Variants in JAKMIP1 observed in about 807,000 individuals in gnomAD.
The protein encoded by JAKMIP1 is janus kinase and microtubule-interacting protein 1.
A neutral mutation model predicts 113.0 loss-of-function variants in JAKMIP1; 33 were observed. The observed-to-expected ratio is 0.29, with a 90% CI of 0.22 to 0.39. The LOEUF is 0.39. JAKMIP1 is among the 10% of genes least tolerant of loss of function. The pLI is 1.00. For missense variants in JAKMIP1, 813 were observed against 1,080.5 expected (o/e 0.75, Z 3.47); for synonymous variants, 480 against 459.9 (o/e 1.04, Z -0.56).
Position 6,093,968 on chromosome 4 carries a change from G to T in JAKMIP1, c.625-8339C>A, listed in dbSNP as rs1224647666. Among the ~76,000 whole-genome samples the T allele has an allele frequency of 6.6e-6, 1 of 151,924 alleles. No individual in the cohort carries two copies. The highest frequency in any genetic ancestry group is 2.4e-5 in the African/African-American group (1 of 41,370). ...TGGCTCGGCTGGGCAGTCCCCAGAT[G>T]TCCTGCCCTTCACCTCCCAAGCAGA... On this transcript the variant is annotated intron_variant, in intron 3 of 20. Transcript: ENST00000409021. This position sits in a 1 kb window ranked among gnomAD's most constrained non-coding sequence, Gnocchi z 4.6.
At position 6,154,142 on chromosome 4, in the gene JAKMIP1, C is replaced by T. The variant is rs1721945087; in HGVS notation, c.-147-41145G>A. On this transcript the variant is annotated intron_variant, in intron 1 of 20. Coordinates refer to ENST00000409021, the MANE Select transcript of JAKMIP1 (RefSeq NM_001099433.2). The surrounding 1 kb of genome is among the most constrained non-coding windows in gnomAD (Gnocchi z 4.2). Reference sequence around the variant, plus strand: ...CTTGTGTCCTGCAGAGCTGATAAACCCTGCACTCAGGGAGACACTGACCCT... The same window carrying T: ...CTTGTGTCCTGCAGAGCTGATAAACTCTGCACTCAGGGAGACACTGACCCT... 6.6e-6 allele frequency among the ~76,000 whole-genome samples: 1 copy of T among 152,212 alleles called. No homozygotes were observed. The highest frequency in any genetic ancestry group is 1.5e-5 in the Non-Finnish European group (1 of 68,044).
chr4:6,114,360 G>A (rs964081002), intron 1 of JAKMIP1, among the ~76,000 whole-genome samples: 4 of 152,328 alleles, frequency 2.6e-5, no homozygotes, highest in African/African-American at 9.6e-5. Flanking sequence ...GTGAGGACCT[G>A]AAGCTGGACA....
intron 16 of JAKMIP1, among the ~76,000 whole-genome samples, chr4:6,047,906 G>A (rs891937614): frequency 6.6e-6 from 1 of 152,160 alleles, no homozygotes; most frequent in Non-Finnish European, 1.5e-5. Context: ...TAACAAACAG[G>A]TCAAAAAGTT....
At chr4:6,100,554 T>C (rs1344735921) in intron 3 of JAKMIP1, among the ~76,000 whole-genome samples, 2 of 152,228 alleles carry the variant, frequency 1.3e-5, no homozygotes, top group African/African-American at 2.4e-5. Flanking sequence ...TACAAATCTT[T>C]ATATAGATAT....
At chr4:6,182,019 GTGAA>G (rs1350689461) in intron 1 of JAKMIP1, among the ~76,000 whole-genome samples, 2 of 152,152 alleles carry the variant, frequency 1.3e-5, no homozygotes, top group African/African-American at 4.8e-5. Context: ...GTGTTATGGA[GTGAA>G]TGTTTATGTC....
intron 3 of JAKMIP1, among the ~76,000 whole-genome samples, chr4:6,102,758 G>A (rs1352189769): frequency 9.4e-6 from 1 of 106,126 alleles, no homozygotes; most frequent in Non-Finnish European, 1.8e-5. Flanking sequence ...TTTTGAGAGG[G>A]AGTCTCACTC....
rs901493365 is a variant in JAKMIP1 at position 6,146,319 on chromosome 4, G to T, written c.-147-33322C>A. ...AAAAAGTTATTTATTTTGAGACAGGGTCTCACTCTGTTGCCCAGGCTAGAG... is the reference window on the plus strand; with the variant it reads ...AAAAAGTTATTTATTTTGAGACAGGTTCTCACTCTGTTGCCCAGGCTAGAG... On this transcript the variant is annotated intron_variant, in intron 1 of 20. Transcript: ENST00000409021. Among the ~76,000 whole-genome samples the T allele has an allele frequency of 7.2e-5, 11 of 152,102 alleles. No individual in the cohort carries two copies. The East Asian group carries it at 1.9e-3, about 27-fold the overall frequency.
chr4:6,038,161 T>A lies in JAKMIP1; in HGVS notation c.2176-2054A>T, dbSNP rs1161915417. On this transcript the variant is annotated intron_variant, in intron 18 of 20. Transcript: ENST00000409021. ...TGAGGCAGAGGCTAACCGGTATCCC[T>A]CCATCACTGAGTCAGAGGTTAACCC... Among the ~76,000 whole-genome samples, 4 of 128,860 alleles carry A rather than the reference T, an allele frequency of 3.1e-5. No individual in the cohort carries two copies. The East Asian group carries it at 9.9e-4, about 32-fold the overall frequency. The allele number at this position is 128,860 out of a possible 152,430, so 84.5% of individuals were successfully genotyped here.
Position 6,187,800 on chromosome 4 carries a change from C to G in JAKMIP1, c.-148+12453G>C, listed in dbSNP as rs1282628662. 6.6e-6 allele frequency among the ~76,000 whole-genome samples: 1 copy of G among 152,272 alleles called. No homozygotes were observed. The highest frequency in any genetic ancestry group is 2.4e-5 in the African/African-American group (1 of 41,476). ...GGATCATATATTTTATCCCTGACAA[C>G]ATCTACCTTTTGACTGGCTTATTTA... On this transcript the variant is annotated intron_variant, in intron 1 of 20. Transcript: ENST00000409021. The surrounding 1 kb of genome is among the most constrained non-coding windows in gnomAD (Gnocchi z 4.2).
intron 5 of JAKMIP1, among the ~76,000 whole-genome samples, chr4:6,084,278 A>G (rs996252459): frequency 6.6e-6 from 1 of 151,598 alleles, no homozygotes; most frequent in Non-Finnish European, 1.5e-5. Context: ...GATGGTGCCA[A>G]TTGCACTCCA....
In JAKMIP1 at chr4:6,167,065, G is replaced by A. The variant is rs1182113797; in HGVS notation, c.-148+33188C>T. Among the ~76,000 whole-genome samples, 2 of 152,114 alleles carry A rather than the reference G, an allele frequency of 1.3e-5. No homozygotes were observed. Among genetic ancestry groups the A allele is most frequent in the Non-Finnish European group, 2.9e-5 (2 of 67,996 alleles). ...TACCCCACATCAAGTACTTGGAACA[G>A]TGCCTGGTGCGTAGGGGGTACTCAG... On this transcript the variant is annotated intron_variant, in intron 1 of 20. Transcript: ENST00000409021. This position sits in a 1 kb window ranked among gnomAD's most constrained non-coding sequence, Gnocchi z 5.3.
Position 6,140,857 on chromosome 4 carries a change from C to G in JAKMIP1, c.-147-27860G>C, listed in dbSNP as rs1018824470. 5.3e-5 allele frequency among the ~76,000 whole-genome samples: 8 copies of G among 152,192 alleles called. No homozygotes were observed. The highest frequency in any genetic ancestry group is 1.0e-4 in the Non-Finnish European group (7 of 68,046). On this transcript the variant is annotated intron_variant, in intron 1 of 20. Coordinates refer to ENST00000409021, the MANE Select transcript of JAKMIP1 (RefSeq NM_001099433.2). The surrounding 1 kb of genome is among the most constrained non-coding windows in gnomAD (Gnocchi z 9.4). ...GGTCAGCCACAGGCACTGGTTGGAG[C>G]TCATCTGTCCTCAGCACAGTGCCTG...
chr4:6,130,423 C>T (rs1041421965), intron 1 of JAKMIP1, among the ~76,000 whole-genome samples: 1 of 152,218 alleles, frequency 6.6e-6, no homozygotes, highest in Admixed American at 6.5e-5. Context: ...AGAATCACAA[C>T]ATACCACAGC....
chr4:6,175,871 A>G (rs922244873), intron 1 of JAKMIP1, among the ~76,000 whole-genome samples: 5 of 152,244 alleles, frequency 3.3e-5, no homozygotes, highest in Non-Finnish European at 7.3e-5. Context: ...ATCTTGACCC[A>G]TCAAGGCCCT....
At position 6,188,347 on chromosome 4, in the gene JAKMIP1, C is replaced by T. The variant is rs965526454; in HGVS notation, c.-148+11906G>A. Among the ~76,000 whole-genome samples the T allele has an allele frequency of 1.3e-5, 2 of 152,206 alleles. No individual in the cohort carries two copies. The highest frequency in any genetic ancestry group is 6.5e-5 in the Admixed American group (1 of 15,280). The stretch of plus-strand genomic sequence containing the variant: ...GATGGTCAGGATTCAGAACAGAATC[C>T]GCAATGATGGCGTTTTCAAGTGCTG... On this transcript the variant is annotated intron_variant, in intron 1 of 20. Coordinates refer to ENST00000409021, the MANE Select transcript of JAKMIP1 (RefSeq NM_001099433.2). The surrounding 1 kb of genome is among the most constrained non-coding windows in gnomAD (Gnocchi z 5.8).
In JAKMIP1 at chr4:6,185,966, G is replaced by T. The variant is rs1726612318; in HGVS notation, c.-148+14287C>A. 6.6e-6 allele frequency among the ~76,000 whole-genome samples: 1 copy of T among 152,026 alleles called. No homozygotes were observed. The highest frequency in any genetic ancestry group is 2.4e-5 in the African/African-American group (1 of 41,386). On this transcript the variant is annotated intron_variant, in intron 1 of 20. Transcript: ENST00000409021. This position sits in a 1 kb window ranked among gnomAD's most constrained non-coding sequence, Gnocchi z 5.3. ...ACTGGACTTTTTTTTAATTACCTCA[G>T]TGTGGAGGTCATTTCCAATTGTGCT...
chr4:6,121,147 C>A (rs1716656618), intron 1 of JAKMIP1, among the ~76,000 whole-genome samples: 1 of 144,048 alleles, frequency 6.9e-6, no homozygotes, highest in Non-Finnish European at 1.5e-5. Context: ...TTGCAGTGAG[C>A]CAAGATTGCA....
chr4:6,192,449 G>A lies in JAKMIP1; in HGVS notation c.-148+7804C>T, dbSNP rs764316060. ...CACAAGTAACACCAGCAGCAGCACCGGCTGACAAACACCCACTGCACGCAG... is the reference window on the plus strand; with the variant it reads ...CACAAGTAACACCAGCAGCAGCACCAGCTGACAAACACCCACTGCACGCAG... On this transcript the variant is annotated intron_variant, in intron 1 of 20. Transcript: ENST00000409021. The surrounding 1 kb of genome is among the most constrained non-coding windows in gnomAD (Gnocchi z 5.0). Among the ~76,000 whole-genome samples, 7 of 152,088 alleles carry A rather than the reference G, an allele frequency of 4.6e-5. No homozygotes were observed. The highest frequency in any genetic ancestry group is 8.8e-5 in the Non-Finnish European group (6 of 68,012).
chr4:6,131,609 A>T (rs1267787513), intron 1 of JAKMIP1, among the ~76,000 whole-genome samples: 2 of 152,156 alleles, frequency 1.3e-5, no homozygotes, highest in Non-Finnish European at 2.9e-5. Context: ...GCGTGCCTGT[A>T]ATTCCAGCTA....
Sources: allele counts gnomAD v4.1 joint callset (sites outside exome capture counted in the v4.1 genomes callset), GRCh38; gene constraint gnomAD v4.1.1; non-coding constraint Gnocchi (gnomAD v3.1); transcripts MANE v1.5; gene names NCBI Gene and HGNC (gene_info 2026-07-23, HGNC 2026-07-21).